Variants in PKP4 observed in about 807,000 individuals in gnomAD.
The protein encoded by PKP4 is plakophilin-4.
PKP4 carries 90 observed loss-of-function variants against 145.1 expected under a neutral mutation model. The ratio of observed to expected loss-of-function variants is 0.62; its 90% CI spans 0.52 to 0.74. The LOEUF (loss-of-function observed/expected upper bound fraction) is 0.74. Among genes scored for constraint, PKP4 ranks in the 30% least tolerant of loss-of-function variants. The probability of loss-of-function intolerance (pLI) is 0.00; values close to 1 mark genes in which losing one functional copy is unlikely to be tolerated. For missense variants in PKP4, 1,340 were observed against 1,482.7 expected (o/e 0.90, Z 1.58); for synonymous variants, 563 against 577.2 (o/e 0.98, Z 0.35).
intron 1 of PKP4, among the ~76,000 whole-genome samples, chr2:158,469,848 A>G (rs773897540): frequency 5.9e-5 from 9 of 152,156 alleles, no homozygotes; most frequent in Non-Finnish European, 1.0e-4. Flanking sequence ...TGATCCTCCC[A>G]ATAAGTTGTG....
intron 2 of PKP4, among the ~76,000 whole-genome samples, chr2:158,574,867 G>T (rs1193494361): frequency 1.3e-5 from 2 of 152,152 alleles, no homozygotes; most frequent in Non-Finnish European, 2.9e-5. Context: ...AATGTTAAAG[G>T]AATTGCCCTA....
At chr2:158,606,276 C>A (rs11892305) in intron 4 of PKP4, among the ~76,000 whole-genome samples, 1 of 151,706 alleles carries the variant, frequency 6.6e-6, no homozygotes, top group African/African-American at 2.4e-5. Context: ...GAGGCAGAGC[C>A]TGCAATGAGC....
intron 2 of PKP4, chr2:158,548,974 A>T: frequency 5.8e-6 from 1 of 172,516 alleles, no homozygotes; most frequent in Non-Finnish European, 1.3e-5. Flanking sequence ...TGACTGCATT[A>T]TCAAGGGGAA....
intron 1 of PKP4, among the ~76,000 whole-genome samples, chr2:158,493,725 A>C (rs1695285965): frequency 6.6e-6 from 1 of 152,212 alleles, no homozygotes; most frequent in South Asian, 2.1e-4. Context: ...ATTGAGCAGC[A>C]TTTGGCCTGG....
intron 2 of PKP4, among the ~76,000 whole-genome samples, chr2:158,576,441 A>C (rs998723659): frequency 4.6e-5 from 7 of 152,188 alleles, no homozygotes; most frequent in Admixed American, 1.3e-4. Context: ...TTTGTAGCTT[A>C]AAACCTTTGG....
intron 1 of PKP4, among the ~76,000 whole-genome samples, chr2:158,484,944 A>G (rs1201243918): frequency 6.6e-6 from 1 of 152,228 alleles, no homozygotes; most frequent in Non-Finnish European, 1.5e-5. Flanking sequence ...ACTGTAAGCC[A>G]TCCAACCTAG....
chr2:158,656,882 G>A (rs1278180529), intron 11 of PKP4, among the ~76,000 whole-genome samples: 2 of 152,200 alleles, frequency 1.3e-5, no homozygotes, highest in Admixed American at 6.5e-5. Flanking sequence ...GGCACCCAGA[G>A]AAGGCTGAGC....
At chr2:158,565,435 CTTTTTTT>C (rs10690465) in intron 2 of PKP4, among the ~76,000 whole-genome samples, 1 of 135,766 alleles carries the variant, frequency 7.4e-6, no homozygotes, top group Non-Finnish European at 1.5e-5. Flanking sequence ...TTCTTTTTTC[CTTTTTTT>C]TTTTTTTTTC....
At chr2:158,501,009 A>T (rs1021599017) in intron 1 of PKP4, among the ~76,000 whole-genome samples, 3 of 152,096 alleles carry the variant, frequency 2.0e-5, no homozygotes, top group African/African-American at 7.2e-5. Flanking sequence ...ACCCAGAAAA[A>T]TTTATCATGA....
At chr2:158,461,578 C>T (rs1689776487) in intron 1 of PKP4, among the ~76,000 whole-genome samples, 1 of 151,700 alleles carries the variant, frequency 6.6e-6, no homozygotes, top group Non-Finnish European at 1.5e-5. Flanking sequence ...GGAATAATGC[C>T]TGGTGACTGG....
At chr2:158,582,832 G>A (rs915070731) in intron 3 of PKP4, among the ~76,000 whole-genome samples, 17 of 152,198 alleles carry the variant, frequency 1.1e-4, no homozygotes, top group African/African-American at 4.1e-4. Flanking sequence ...TGACACTACA[G>A]CTTGGCTCCA....
At chr2:158,508,304 T>C (rs2041179413) in intron 1 of PKP4, among the ~76,000 whole-genome samples, 1 of 143,754 alleles carries the variant, frequency 7.0e-6, no homozygotes, top group South Asian at 2.2e-4. Flanking sequence ...GGGCAGAGGA[T>C]GCAGTGAGCC....
chr2:158,469,421 T>TC (rs1691205785), intron 1 of PKP4, among the ~76,000 whole-genome samples: 1 of 152,162 alleles, frequency 6.6e-6, no homozygotes, highest in South Asian at 2.1e-4. Flanking sequence ...GATTTTCTTA[T>TC]CCCCTCCTTC....
chr2:158,473,649 C>T (rs1233870648), intron 1 of PKP4, among the ~76,000 whole-genome samples: 1 of 150,180 alleles, frequency 6.7e-6, no homozygotes. Flanking sequence ...CTTGGGTCTA[C>T]TTGAGGGTAG....
chr2:158,498,682 T>G (rs1358987362), intron 1 of PKP4, among the ~76,000 whole-genome samples: 1 of 152,216 alleles, frequency 6.6e-6, no homozygotes, highest in Admixed American at 6.5e-5. Flanking sequence ...ACAGTGGAGA[T>G]AGGTTGATAG....
chr2:158,509,168 ATATCACATATGACTTAGAT>A (rs1350937336), intron 1 of PKP4, among the ~76,000 whole-genome samples: 6 of 152,192 alleles, frequency 3.9e-5, no homozygotes, highest in Non-Finnish European at 5.9e-5. Context: ...AGATTTGATT[ATATCACATATGACTTAGAT>A]TCTGATAGAT....
chr2:158,508,911 A>T (rs1295844574), intron 1 of PKP4, among the ~76,000 whole-genome samples: 6 of 152,192 alleles, frequency 3.9e-5, no homozygotes, highest in African/African-American at 1.2e-4. Context: ...GGGTTTCTAA[A>T]TATTTATTAA....
At chr2:158,665,277 A>C (rs763722145) in intron 15 of PKP4, among the ~76,000 whole-genome samples, 1 of 152,134 alleles carries the variant, frequency 6.6e-6, no homozygotes, top group Non-Finnish European at 1.5e-5. Context: ...AGTTCATAAA[A>C]CTGCCTGAGT....
chr2:158,661,486 C>A, intron 13 of PKP4, 36 bp downstream of exon 13: 2 of 1,350,504 alleles, frequency 1.5e-6, no homozygotes, highest in Non-Finnish European at 2.1e-6. Flanking sequence ...GGCGTGGTGG[C>A]AGGTGACCAT....
Sources: gnomAD v4.1 joint callset for allele counts (sites outside exome capture counted in the v4.1 genomes callset) on GRCh38, gnomAD v4.1.1 for gene constraint, MANE v1.5 for transcripts, NCBI Gene and HGNC (gene_info 2026-07-23, HGNC 2026-07-21) for gene names.